The following SYNPR variants were observed in gnomAD, a reference collection of about 807,000 sequenced individuals.
SYNPR encodes synaptoporin.
In SYNPR, 23 loss-of-function variants were observed where a neutral mutation model predicts 32.9. That is an observed-to-expected ratio of 0.70 (90% CI 0.50 to 0.99). SYNPR has a LOEUF of 0.99. Ranked by LOEUF, SYNPR falls within the 50% of genes least tolerant of loss-of-function variation. The probability of loss-of-function intolerance (pLI) is 0.00; values close to 1 mark genes in which losing one functional copy is unlikely to be tolerated. For missense variants in SYNPR, 318 were observed against 349.3 expected (o/e 0.91, Z 0.71); for synonymous variants, 146 against 135.9 (o/e 1.07, Z -0.52).
At chr3:63,241,901 C>A (rs980330999) in intron 1 of SYNPR, among the ~76,000 whole-genome samples, 2 of 152,028 alleles carry the variant, frequency 1.3e-5, no homozygotes, top group Non-Finnish European at 2.9e-5. Flanking sequence ...GTCACAGACT[C>A]CTTGTGGATT....
At chr3:63,586,287 A>G (rs992129000) in intron 4 of SYNPR, among the ~76,000 whole-genome samples, 2 of 152,014 alleles carry the variant, frequency 1.3e-5, no homozygotes, top group African/African-American at 4.8e-5. Context: ...CAAAAAAAAA[A>G]GAAAAATTGG....
intron 2 of SYNPR, among the ~76,000 whole-genome samples, chr3:63,466,878 C>A (rs1182398828): frequency 6.6e-6 from 1 of 152,186 alleles, no homozygotes; most frequent in African/African-American, 2.4e-5. Context: ...TACAGACACA[C>A]TGGGGGTTGG....
At chr3:63,203,670 A>T in the SYNPR span, among the ~76,000 whole-genome samples, 2 of 152,150 alleles carry the variant, frequency 1.3e-5, no homozygotes, top group African/African-American at 4.8e-5. Flanking sequence ...ATCCTCTCAC[A>T]TGCTACCTAG....
chr3:63,258,112 A>G (rs915732164), intron 2 of SYNPR, among the ~76,000 whole-genome samples: 1 of 152,138 alleles, frequency 6.6e-6, no homozygotes, highest in Non-Finnish European at 1.5e-5. Flanking sequence ...ACTCCCACAC[A>G]ATAATAATGG....
chr3:63,273,448 G>T (rs930619237), upstream of SYNPR, among the ~76,000 whole-genome samples: 1 of 152,026 alleles, frequency 6.6e-6, no homozygotes, highest in Non-Finnish European at 1.5e-5. Flanking sequence ...ATTCTGTCCA[G>T]CATCTACTTA....
chr3:63,261,424 G>A (rs910640374), intron 2 of SYNPR, among the ~76,000 whole-genome samples: 3 of 151,572 alleles, frequency 2.0e-5, no homozygotes, highest in African/African-American at 7.3e-5. Flanking sequence ...TAGGGACATG[G>A]ATGAAATTGG....
chr3:63,410,589 G>A (rs2088449914), intron 2 of SYNPR, among the ~76,000 whole-genome samples: 1 of 152,114 alleles, frequency 6.6e-6, no homozygotes, highest in South Asian at 2.1e-4. Flanking sequence ...TCATGTTTGT[G>A]TCTGCCTTGT....
At chr3:63,417,444 T>C (rs1282237897) in intron 2 of SYNPR, among the ~76,000 whole-genome samples, 1 of 152,204 alleles carries the variant, frequency 6.6e-6, no homozygotes, top group Non-Finnish European at 1.5e-5. Flanking sequence ...CAAGCTGTCA[T>C]TGGATCTACC....
At chr3:63,471,420 G>C (rs894580823) in intron 2 of SYNPR, among the ~76,000 whole-genome samples, 5 of 152,138 alleles carry the variant, frequency 3.3e-5, no homozygotes, top group Non-Finnish European at 5.9e-5. Context: ...CTGGGTCAAA[G>C]TATTATACAC....
intron 5 of SYNPR, among the ~76,000 whole-genome samples, chr3:63,613,609 GCAAAAAAA>G (rs1448570642): frequency 7.5e-5 from 1 of 13,418 alleles, no homozygotes; most frequent in Non-Finnish European, 1.2e-4. Context: ...TTATGCTGCA[GCAAAAAAA>G]AAAAAAAAAA....
chr3:63,413,960 G>C (rs1437407357), intron 2 of SYNPR, among the ~76,000 whole-genome samples: 1 of 151,480 alleles, frequency 6.6e-6, no homozygotes, highest in Non-Finnish European at 1.5e-5. Flanking sequence ...TTGGGTGTGA[G>C]TATAAGAAAC....
intron 2 of SYNPR, among the ~76,000 whole-genome samples, chr3:63,324,853 T>C (rs1001332952): frequency 5.3e-5 from 8 of 151,872 alleles, no homozygotes; most frequent in Non-Finnish European, 1.5e-5. Flanking sequence ...TGGTGACGGG[T>C]AACTGACTGT....
At chr3:63,403,415 C>G (rs1323531974) in intron 2 of SYNPR, among the ~76,000 whole-genome samples, 1 of 149,842 alleles carries the variant, frequency 6.7e-6, no homozygotes, top group Non-Finnish European at 1.5e-5. Context: ...CACACACACA[C>G]ACATTCTCAT....
chr3:63,285,973 G>T (rs1211074409), intron 2 of SYNPR, among the ~76,000 whole-genome samples: 2 of 152,222 alleles, frequency 1.3e-5, no homozygotes, highest in Non-Finnish European at 2.9e-5. Context: ...TGATGAAAAG[G>T]GAGAAAGTAG....
intron 3 of SYNPR, among the ~76,000 whole-genome samples, chr3:63,509,689 C>A (rs543654515): frequency 6.6e-6 from 1 of 151,912 alleles, no homozygotes; most frequent in Non-Finnish European, 1.5e-5. Flanking sequence ...TAATTAAGTT[C>A]CAACTAAATT....
chr3:63,243,516 G>C (rs540922876), intron 1 of SYNPR, among the ~76,000 whole-genome samples: 33 of 151,966 alleles, frequency 2.2e-4, no homozygotes, highest in Non-Finnish European at 3.7e-4. Flanking sequence ...TAGAACAATG[G>C]GAAAAAGACA....
intron 1 of SYNPR, among the ~76,000 whole-genome samples, chr3:63,239,866 T>A (rs2086228314): frequency 6.6e-6 from 1 of 152,024 alleles, no homozygotes; most frequent in African/African-American, 2.4e-5. Flanking sequence ...GTCAAGTGTG[T>A]CATGCACCCA....
At chr3:63,611,350 C>T (rs1262524075) in intron 5 of SYNPR, among the ~76,000 whole-genome samples, 4 of 152,190 alleles carry the variant, frequency 2.6e-5, no homozygotes, top group Non-Finnish European at 5.9e-5. Context: ...CAGGAGAGAG[C>T]TCAAGCCATT....
chr3:63,409,280 C>T (rs552029155), intron 2 of SYNPR, among the ~76,000 whole-genome samples: 34 of 152,072 alleles, frequency 2.2e-4, no homozygotes, highest in Non-Finnish European at 4.3e-4. Flanking sequence ...AACTAAACAT[C>T]GATTTTTTTT....
Sources: gnomAD v4.1 joint callset for allele counts (sites outside exome capture counted in the v4.1 genomes callset) on GRCh38, gnomAD v4.1.1 for gene constraint, MANE v1.5 for transcripts, NCBI Gene and HGNC (gene_info 2026-07-23, HGNC 2026-07-21) for gene names.